B3GALNT2: variants seen among roughly 807,000 people sequenced by gnomAD.
B3GALNT2 encodes beta-1,3-N-acetylgalactosaminyltransferase 2.
In B3GALNT2, 53 loss-of-function variants were observed where a neutral mutation model predicts 61.1. The observed-to-expected ratio is 0.87, with a 90% CI of 0.70 to 1.09. The LOEUF is 1.09. Ranked by LOEUF, B3GALNT2 falls within the 50% of genes least tolerant of loss-of-function variation. B3GALNT2 has a pLI of 0.00. For missense variants in B3GALNT2, 544 were observed against 623.0 expected, an observed-to-expected ratio of 0.87 and a Z score of 1.35; for synonymous variants, 223 against 237.4, an observed-to-expected ratio of 0.94 and a Z score of 0.56.
intron 1 of B3GALNT2, among the ~76,000 whole-genome samples, chr1:235,500,794 G>C (rs2102873854): frequency 6.6e-6 from 1 of 152,196 alleles, no homozygotes; most frequent in African/African-American, 2.4e-5. Flanking sequence ...CACTGTTGCG[G>C]GTGTTTCATT....
At chr1:235,442,358 TG>T, downstream of B3GALNT2, among the ~76,000 whole-genome samples, 1 of 152,252 alleles carries the variant, frequency 6.6e-6, no homozygotes, top group East Asian at 1.9e-4. Context: ...TTAGTAGAGA[TG>T]GGGTTTCACC....
At chr1:235,454,758 T>G (rs1683086760) in intron 9 of B3GALNT2, among the ~76,000 whole-genome samples, 1 of 152,162 alleles carries the variant, frequency 6.6e-6, no homozygotes, top group Non-Finnish European at 1.5e-5. Flanking sequence ...TTTCTTAATC[T>G]AAGGAAAGGA....
chr1:235,490,255 G>C (rs1457875734), intron 2 of B3GALNT2, among the ~76,000 whole-genome samples: 1 of 151,976 alleles, frequency 6.6e-6, no homozygotes, highest in Non-Finnish European at 1.5e-5. Flanking sequence ...TTTTGAGACA[G>C]AGTCTCGCTC....
At chr1:235,480,191 T>C in intron 4 of B3GALNT2, 42 bp from the exon 5 acceptor site, 1 of 1,608,720 alleles carries the variant, frequency 6.2e-7, no homozygotes, top group African/African-American at 1.3e-5. Context: ...TACTTCATGT[T>C]ATACATTGCA....
the B3GALNT2 span, chr1:235,441,707 G>T: frequency 9.9e-7 from 1 of 1,011,750 alleles, no homozygotes; most frequent in South Asian, 1.4e-5. Flanking sequence ...TCCTGGGAAA[G>T]GCACAGGCTC....
At chr1:235,501,820 T>A (rs1334233595) in intron 1 of B3GALNT2, among the ~76,000 whole-genome samples, 1 of 152,166 alleles carries the variant, frequency 6.6e-6, no homozygotes, top group African/African-American at 2.4e-5. Context: ...ATCTTGGGTT[T>A]TTTTTTCTCC....
chr1:235,493,778 A>AC lies in B3GALNT2; in HGVS notation c.260+902_260+903insG, dbSNP rs537918154. Among the ~76,000 whole-genome samples the AC allele has an allele frequency of 3.5e-3, 535 of 152,152 alleles. 3 individuals are homozygous for AC. The highest frequency in any genetic ancestry group is 0.013 in the African/African-American group (522 of 41,536). ...GAGCGACAGCAAAACTCCATCTCAA[A>AC]AAAAAAAAAAATTCACAACTGCAAT... On this transcript the variant is annotated intron_variant, in intron 2 of 11. Coordinates refer to ENST00000366600, the MANE Select transcript of B3GALNT2 (RefSeq NM_152490.5).
downstream of B3GALNT2, among the ~76,000 whole-genome samples, chr1:235,445,602 A>G (rs60247179): frequency 0.056 from 8,479 of 152,210 alleles, 444 homozygotes; most frequent in African/African-American, 0.14. Flanking sequence ...AGCCACTGCA[A>G]TCTGGCCTGG....
intron 1 of B3GALNT2, among the ~76,000 whole-genome samples, chr1:235,501,194 T>C (rs4659905): frequency 0.23 from 35,074 of 152,130 alleles, 4,977 homozygotes; most frequent in East Asian, 0.52. Context: ...GTAATCAAGA[T>C]ATCCTATGTT....
chr1:235,477,308 CTT>C (rs1411574535), intron 5 of B3GALNT2, among the ~76,000 whole-genome samples: 1 of 152,144 alleles, frequency 6.6e-6, no homozygotes, highest in Admixed American at 6.5e-5. Context: ...TCCACACACA[CTT>C]TTCTGTTGTT....
At chr1:235,466,945 T>C (rs992266073) in intron 6 of B3GALNT2, among the ~76,000 whole-genome samples, 1 of 152,200 alleles carries the variant, frequency 6.6e-6, no homozygotes, top group African/African-American at 2.4e-5. Flanking sequence ...GAGCTACTGC[T>C]TGGCTATTCT....
intron 1 of B3GALNT2, among the ~76,000 whole-genome samples, chr1:235,499,303 A>G (rs1420633277): frequency 6.6e-6 from 1 of 152,230 alleles, no homozygotes; most frequent in Non-Finnish European, 1.5e-5. Flanking sequence ...CCTGGTAGTG[A>G]CAAAACAGAG....
chr1:235,489,525 A>G (rs111531729), intron 2 of B3GALNT2, among the ~76,000 whole-genome samples: 43 of 152,360 alleles, frequency 2.8e-4, no homozygotes, highest in African/African-American at 6.7e-4. Flanking sequence ...CGCTACAAGC[A>G]AATGTTCATA....
At position 235,449,153 on chromosome 1, in the gene B3GALNT2, A is replaced by ACCCTTTTTTAAAG; in HGVS notation, c.*1052_*1053insCTTTAAAAAAGGG. On this transcript the variant is annotated 3_prime_UTR_variant, in exon 12 of 12. Coordinates refer to ENST00000366600, the MANE Select transcript of B3GALNT2 (RefSeq NM_152490.5). Reference sequence around the variant, plus strand: ...CTACTATTTTAAAGGGTTACTAGAAATGATTTGGTTGGTCATTTTGGGAAA... The same window carrying ACCCTTTTTTAAAG: ...CTACTATTTTAAAGGGTTACTAGAAACCCTTTTTTAAAGTGATTTGGTTGGTCATTTTGGGAAA... The ACCCTTTTTTAAAG allele has an allele frequency of 8.0e-6, 2 of 250,146 alleles. No individual in the cohort carries two copies. Among genetic ancestry groups the ACCCTTTTTTAAAG allele is most frequent in the Non-Finnish European group, 1.6e-5 (2 of 127,644 alleles). The allele number at this position is 250,146 out of a possible 1,614,324, so 15.5% of individuals were successfully genotyped here.
At chr1:235,455,021 T>C (rs1468889700) in intron 9 of B3GALNT2, among the ~76,000 whole-genome samples, 2 of 152,246 alleles carry the variant, frequency 1.3e-5, no homozygotes, top group African/African-American at 4.8e-5. Flanking sequence ...CATTTATTTC[T>C]TTGGCATAAG....
Position 235,489,277 on chromosome 1 carries a change from T to C in B3GALNT2, c.261-9A>G, listed in dbSNP as rs1438076213. 1 of 1,612,562 alleles carries C rather than the reference T, an allele frequency of 6.2e-7. No homozygotes were observed. The highest frequency in any genetic ancestry group is 8.5e-7 in the Non-Finnish European group (1 of 1,179,460). On this transcript the variant is annotated splice_polypyrimidine_tract_variant and intron_variant, in intron 2 of 11. Transcript: ENST00000366600. ...TGAACTTCACAAGCACACTGAGAGA[T>C]GTGTTGGCATTAACATCAGTTACTG...
chr1:235,480,488 C>T, intron 4 of B3GALNT2, among the ~76,000 whole-genome samples: 1 of 152,060 alleles, frequency 6.6e-6, no homozygotes, highest in Non-Finnish European at 1.5e-5. Context: ...TGTCAACACT[C>T]CCCCAAAGGG....
At chr1:235,465,896 T>C in intron 6 of B3GALNT2, 182 bp from the exon 7 acceptor site, 2 of 646,804 alleles carry the variant, frequency 3.1e-6, no homozygotes, top group South Asian at 2.4e-5. Flanking sequence ...ATTTTTGTTA[T>C]CTAATTACAA....
chr1:235,448,154 T>A lies in B3GALNT2; in HGVS notation c.*2052A>T, dbSNP rs1025555618. Among the ~76,000 whole-genome samples, 2 of 144,874 alleles carry A rather than the reference T, an allele frequency of 1.4e-5. No homozygotes were observed. Among genetic ancestry groups the A allele is most frequent in the African/African-American group, 5.2e-5 (2 of 38,096 alleles). ...AGCGGAGGTTGCAGTGAGCCGAGAT[T>A]ACACCATTGCACTCCAGCCTGGGCG... On this transcript the variant is annotated 3_prime_UTR_variant, in exon 12 of 12. Coordinates refer to ENST00000366600, the MANE Select transcript of B3GALNT2 (RefSeq NM_152490.5).
Sources: allele counts gnomAD v4.1 joint callset (sites outside exome capture counted in the v4.1 genomes callset), GRCh38; gene constraint gnomAD v4.1.1; transcripts MANE v1.5; gene names NCBI Gene and HGNC (gene_info 2026-07-23, HGNC 2026-07-21).